Variants in IBA57 observed in about 807,000 individuals in gnomAD.
IBA57 encodes iron-sulfur cluster assembly factor IBA57, mitochondrial.
Under a neutral mutation model 20.4 loss-of-function variants are expected in IBA57, and 20 were observed. That is an observed-to-expected ratio of 0.98 (90% CI 0.69 to 1.42). IBA57 has a LOEUF of 1.42. Among genes scored for constraint, IBA57 ranks in the 40% most tolerant of loss-of-function variants. The pLI is 0.00. For synonymous variants in IBA57, 310 were observed against 233.9 expected (o/e 1.33, Z -2.97); for missense variants, 608 against 499.3 (o/e 1.22, Z -2.07).
At chr1:228,167,265 G>A (rs116125089) in intron 1 of IBA57, among the ~76,000 whole-genome samples, 3,805 of 152,030 alleles carry the variant, frequency 0.025, 79 homozygotes, top group South Asian at 0.084. Context: ...GGTGAAATAC[G>A]GCCCTGAGGT....
intron 1 of IBA57, among the ~76,000 whole-genome samples, chr1:228,168,153 C>T (rs538104221): frequency 6.6e-6 from 1 of 152,190 alleles, no homozygotes; most frequent in South Asian, 2.1e-4. Context: ...CTTCCTCCTC[C>T]TCAGCCTACT....
chr1:228,170,982 G>A lies in IBA57; in HGVS notation c.342-3710G>A, dbSNP rs950131787. On this transcript the variant is annotated intron_variant, in intron 1 of 2. Transcript: ENST00000366711. The surrounding 1 kb of genome is among the most constrained non-coding windows in gnomAD (Gnocchi z 4.8). ...CACCCCTGACCTCCCTCCTCTTCCT[G>A]CACCCTTGCTCCCACCGGGGCTTCT... Among the ~76,000 whole-genome samples the A allele has an allele frequency of 1.4e-4, 21 of 152,082 alleles. No homozygotes were observed. The highest frequency in any genetic ancestry group is 7.9e-4 in the Admixed American group (12 of 15,280).
chr1:228,167,593 G>A (rs1233581525), intron 1 of IBA57, among the ~76,000 whole-genome samples: 1 of 152,148 alleles, frequency 6.6e-6, no homozygotes, highest in Non-Finnish European at 1.5e-5. Context: ...CTGACCTCAG[G>A]TGATCCACCC....
chr1:228,175,408 G>A lies in IBA57; in HGVS notation c.966G>A (p.Leu322=). The A allele has an allele frequency of 6.2e-7, 1 of 1,613,002 alleles. No homozygotes were observed. The change falls in exon 3 of 3, where the codon CTG becomes CTA. Residue 322 remains leucine, a synonymous_variant. Transcript: ENST00000366711. ...AGQGNVGLAL[L]WSEKIKGPLH... ...AGGGCAACGTGGGGCTGGCCCTGCT[G>A]TGGTCAGAGAAGATCAAGGGTCCTC...
Position 228,165,913 on chromosome 1 carries a change from C to T in IBA57, c.97C>T (p.His33Tyr). 4 of 1,463,210 alleles carry T rather than the reference C, an allele frequency of 2.7e-6. No homozygotes were observed. The highest frequency in any genetic ancestry group is 4.8e-4 in the Middle Eastern group (2 of 4,172). The allele number at this position is 1,463,210 out of a possible 1,614,324, so 90.6% of individuals were successfully genotyped here. ...LRAAPRCRLA[H>Y]SSCSPGGDPT... ...CGCGGCCCCAAGGTGCCGCCTGGCC[C>T]ACAGCTCCTGCAGTCCTGGTGGCGA... Residue 33 changes from histidine to tyrosine, a missense_variant, in exon 1 of 3, where the codon CAC becomes TAC. By Grantham distance (83) the His-to-Tyr change is moderately conservative (BLOSUM62 2). Coordinates refer to ENST00000366711, the MANE Select transcript of IBA57 (RefSeq NM_001010867.4).
chr1:228,174,935 G>A lies in IBA57; in HGVS notation c.585G>A (p.Gly195=), dbSNP rs2124976810. The change falls in exon 2 of 3, where the codon GGG becomes GGA. Residue 195 remains glycine (G), a synonymous_variant. Transcript: ENST00000366711. ...LIRDPRTARM[G]WRLLTQDEGP... is the part of the protein sequence containing the mutation. ...GCGACCCGCGAACAGCACGCATGGGGTGGCGGCTCCTCACCCAGGATGAAG... is the reference window on the plus strand; with the variant it reads ...GCGACCCGCGAACAGCACGCATGGGATGGCGGCTCCTCACCCAGGATGAAG... 5.7e-6 allele frequency: 9 copies of A among 1,581,924 alleles called. No individual in the cohort carries two copies. The highest frequency in any genetic ancestry group is 1.1e-5 in the South Asian group (1 of 88,602).
chr1:228,165,807 C>A lies in IBA57; in HGVS notation c.-10C>A. On this transcript the variant is annotated 5_prime_UTR_variant, in exon 1 of 3. Transcript: ENST00000366711. The stretch of plus-strand genomic sequence containing the variant: ...CTTGGGCCCTTCCCGCTGCCCCACT[C>A]TTGTCCAAGATGGCGACCGCGGCGC... 1 of 1,294,386 alleles carries A rather than the reference C, an allele frequency of 7.7e-7. No individual in the cohort carries two copies. Among genetic ancestry groups the A allele is most frequent in the East Asian group, 3.1e-5 (1 of 32,168 alleles). 80.2% of individuals were successfully genotyped at this position (1,294,386 alleles called of 1,614,324 possible).
In IBA57 at chr1:228,174,984, C is replaced by T. The variant is rs775862631; in HGVS notation, c.634C>T (p.Arg212Trp). The change falls in exon 2 of 3, where the codon CGG becomes TGG. Residue 212 changes from arginine to tryptophan, a missense_variant. By Grantham distance (101) the Arg-to-Trp change is moderately radical (BLOSUM62 -3). Coordinates refer to ENST00000366711, the MANE Select transcript of IBA57 (RefSeq NM_001010867.4). ...AGGCCCAGCCCTGGTGCCCGGGGGC[C>T]GGCTCGGGGACTTGTGGGATTATCA... ...DEGPALVPGG[R>W]LGDLWDYHQH... 11 of 1,547,940 alleles carry T rather than the reference C, an allele frequency of 7.1e-6. No homozygotes were observed. The highest frequency in any genetic ancestry group is 2.6e-6 in the Non-Finnish European group (3 of 1,144,704).
intron 1 of IBA57, 122 bp downstream of exon 1, chr1:228,166,279 A>T: frequency 1.2e-3 from 74 of 64,018 alleles, no homozygotes; most frequent in Non-Finnish European, 1.5e-3. Flanking sequence ...GCACCCGGGG[A>T]GGGCCGGGAT....
At chr1:228,171,517 A>T (rs1188259412) in intron 1 of IBA57, 1 of 152,458 alleles carries the variant, frequency 6.6e-6, no homozygotes, top group Non-Finnish European at 1.5e-5. Context: ...AGTGCTCAGC[A>T]GATGGGGGCA....
chr1:228,175,763 C>T lies in IBA57; in HGVS notation c.*250C>T, dbSNP rs2035009011. 2 of 421,060 alleles carry T rather than the reference C, an allele frequency of 4.7e-6. No homozygotes were observed. The highest frequency in any genetic ancestry group is 8.4e-6 in the Non-Finnish European group (2 of 236,934). The allele number at this position is 421,060 out of a possible 1,614,324, so 26.1% of individuals were successfully genotyped here. ...GAGCCCACCGTGTGAGTGCTGGGCTCCAGATGGCGCCGGGTCCCAATCGTG... is the reference window on the plus strand; with the variant it reads ...GAGCCCACCGTGTGAGTGCTGGGCTTCAGATGGCGCCGGGTCCCAATCGTG... On this transcript the variant is annotated 3_prime_UTR_variant, in exon 3 of 3. Transcript: ENST00000366711.
intron 1 of IBA57, among the ~76,000 whole-genome samples, chr1:228,169,308 T>C (rs1308634915): frequency 1.3e-5 from 2 of 152,206 alleles, no homozygotes; most frequent in Non-Finnish European, 1.5e-5. Flanking sequence ...TGATACTTAA[T>C]ATATCATCCT....
chr1:228,174,980 G>C lies in IBA57; in HGVS notation c.630G>C (p.Gly210=), dbSNP rs2034988866. ...ATGAAGGCCCAGCCCTGGTGCCCGG[G>C]GGCCGGCTCGGGGACTTGTGGGATT... The part of the protein sequence containing the change: ...TQDEGPALVP[G]GRLGDLWDYH... The change falls in exon 2 of 3, where the codon GGG becomes GGC. Residue 210 remains glycine (G), a synonymous_variant. Coordinates refer to ENST00000366711, the MANE Select transcript of IBA57 (RefSeq NM_001010867.4). 1 of 1,552,926 alleles carries C rather than the reference G, an allele frequency of 6.4e-7. No homozygotes were observed. The highest frequency in any genetic ancestry group is 1.4e-5 in the African/African-American group (1 of 73,610).
chr1:228,179,342 G>GAAATAA lies in IBA57; in HGVS notation c.*3838_*3843dup, dbSNP rs1340712070. The GAAATAA allele has an allele frequency of 6.6e-6, 1 of 152,232 alleles. No homozygotes were observed. Among genetic ancestry groups the GAAATAA allele is most frequent in the African/African-American group, 2.4e-5 (1 of 41,538 alleles). The allele number at this position is 152,232 out of a possible 1,614,324, so 9.4% of individuals were successfully genotyped here. A position where few individuals can be genotyped will look rare whatever the true frequency, so the allele number is the denominator to read the frequency against. On this transcript the variant is annotated 3_prime_UTR_variant, in exon 3 of 3. Transcript: ENST00000366711. ...GCAGATTTTAAAAAGAGAACTTGTT[G>GAAATAA]AAATAAAAATAAAATACTCTAAAAA...
In IBA57 at chr1:228,174,706, C is replaced by T; in HGVS notation, c.356C>T (p.Ser119Leu). Reference protein sequence around the residue: ...DVILYGLQEHSEVSGFLLECD... With the variant: ...DVILYGLQEHLEVSGFLLECD... ...TCTCCCTGCAGGCTCCAGGAACACTCGGAGGTGTCTGGCTTCCTTCTGGAG... is the reference window on the plus strand; with the variant it reads ...TCTCCCTGCAGGCTCCAGGAACACTTGGAGGTGTCTGGCTTCCTTCTGGAG... Residue 119 changes from serine to leucine, a missense_variant, in exon 2 of 3, where the codon TCG (serine) becomes TTG (leucine). Transcript: ENST00000366711. 3.8e-6 allele frequency: 6 copies of T among 1,572,314 alleles called. No individual in the cohort carries two copies. Among genetic ancestry groups the T allele is most frequent in the Admixed American group, 1.7e-5 (1 of 57,668 alleles).
chr1:228,169,920 G>C (rs901381833), intron 1 of IBA57, among the ~76,000 whole-genome samples: 6 of 151,884 alleles, frequency 4.0e-5, no homozygotes, highest in African/African-American at 1.5e-4. Flanking sequence ...AGGCTGTAGT[G>C]CAATGGCGCA....
chr1:228,165,887 G>A lies in IBA57; in HGVS notation c.71G>A (p.Arg24His). The change falls in exon 1 of 3, where the codon CGC becomes CAC. Residue 24 changes from arginine (R) to histidine (H), a missense_variant. Arg to His is a conservative substitution (Grantham distance 29). Transcript: ENST00000366711. ...RGGPVWRWRL[R>H]AAPRCRLAHS... is the part of the protein sequence containing the mutation. Reference sequence around the variant, plus strand: ...GGCCCGGTCTGGCGCTGGCGGCTGCGCGCGGCCCCAAGGTGCCGCCTGGCC... The same window carrying A: ...GGCCCGGTCTGGCGCTGGCGGCTGCACGCGGCCCCAAGGTGCCGCCTGGCC... 1 of 1,345,586 alleles carries A rather than the reference G, an allele frequency of 7.4e-7. No homozygotes were observed. 83.4% of individuals were successfully genotyped at this position (1,345,586 alleles called of 1,614,324 possible). A position where few individuals can be genotyped will look rare whatever the true frequency, so the allele number is the denominator to read the frequency against.
intron 1 of IBA57, among the ~76,000 whole-genome samples, chr1:228,167,924 G>C (rs2034873861): frequency 6.6e-6 from 1 of 152,142 alleles, no homozygotes; most frequent in Non-Finnish European, 1.5e-5. Flanking sequence ...TCACATGTTA[G>C]CCTTACAATG....
Position 228,175,494 on chromosome 1 carries a change from G to A in IBA57, c.1052G>A (p.Trp351Ter), listed in dbSNP as rs749326500. 4.4e-6 allele frequency: 7 copies of A among 1,577,534 alleles called. No individual in the cohort carries two copies. Among genetic ancestry groups the A allele is most frequent in the Non-Finnish European group, 6.0e-6 (7 of 1,159,746 alleles). ...VALAASVPDWWPTVSK is the reference protein window; with the variant it reads ...VALAASVPDW ...TTAGCCGCATCTGTGCCAGACTGGT[G>A]GCCTACAGTCTCCAAGTAGTCCGAA... is the stretch of plus-strand genomic sequence containing the variant. The change falls in exon 3 of 3, where the codon TGG (tryptophan) becomes TAG (stop). Residue 351 changes from tryptophan to a stop codon, truncating the protein, a stop_gained. Coordinates refer to ENST00000366711, the MANE Select transcript of IBA57 (RefSeq NM_001010867.4). LOFTEE classifies it high-confidence loss of function.
Sources: allele counts gnomAD v4.1 joint callset (sites outside exome capture counted in the v4.1 genomes callset), GRCh38; gene constraint gnomAD v4.1.1; non-coding constraint Gnocchi (gnomAD v3.1); transcripts MANE v1.5; gene names NCBI Gene and HGNC (gene_info 2026-07-23, HGNC 2026-07-21).